The following LINGO2 variants were observed in gnomAD, a reference collection of about 807,000 sequenced individuals.
The protein encoded by LINGO2 is leucine-rich repeat and immunoglobulin-like domain-containing nogo receptor-interacting protein 2.
In LINGO2, 14 loss-of-function variants were observed where a neutral mutation model predicts 30.6. The ratio of observed to expected loss-of-function variants is 0.46; its 90% CI spans 0.30 to 0.72. The LOEUF is 0.72. Among genes scored for constraint, LINGO2 ranks in the 30% least tolerant of loss-of-function variants. The pLI, the probability that LINGO2 is intolerant of heterozygous loss-of-function variation, is 0.07. For missense variants in LINGO2, 729 were observed against 751.7 expected (o/e 0.97, Z 0.35); for synonymous variants, 317 against 288.5 (o/e 1.10, Z -1.00).
the LINGO2 span, among the ~76,000 whole-genome samples, chr9:28,957,459 G>A: frequency 6.6e-6 from 1 of 152,084 alleles, no homozygotes; most frequent in Non-Finnish European, 1.5e-5. Context: ...TATTTTATGG[G>A]TATGTTCTTT....
At chr9:29,120,466 T>C in the LINGO2 span, among the ~76,000 whole-genome samples, 1,063 of 152,326 alleles carry the variant, frequency 7.0e-3, 6 homozygotes, top group Non-Finnish European at 0.012. Context: ...ATTTGTCATA[T>C]TGTCTTATTG....
At chr9:28,544,460 C>T (rs768113977) in intron 1 of LINGO2, among the ~76,000 whole-genome samples, 1 of 151,954 alleles carries the variant, frequency 6.6e-6, no homozygotes, top group African/African-American at 2.4e-5. Flanking sequence ...CCAGGTACAC[C>T]GAACCCTCTC....
the LINGO2 span, among the ~76,000 whole-genome samples, chr9:28,705,682 A>C: frequency 6.6e-6 from 1 of 152,144 alleles, no homozygotes; most frequent in African/African-American, 2.4e-5. Context: ...GTTAAAACTC[A>C]CAAAAGTGTG....
At chr9:28,054,072 AAG>A (rs1824803820) in intron 4 of LINGO2, among the ~76,000 whole-genome samples, 2 of 152,032 alleles carry the variant, frequency 1.3e-5, no homozygotes, top group Non-Finnish European at 2.9e-5. Context: ...GACAAAAAAA[AAG>A]AGAAAGTGGG....
At chr9:28,074,579 C>T (rs1279512801) in intron 4 of LINGO2, among the ~76,000 whole-genome samples, 1 of 152,102 alleles carries the variant, frequency 6.6e-6, no homozygotes, top group Non-Finnish European at 1.5e-5. Flanking sequence ...AGAGGAAGTA[C>T]ATAGAGACTT....
At chr9:29,210,615 A>G in the LINGO2 span, among the ~76,000 whole-genome samples, 1,054 of 152,302 alleles carry the variant, frequency 6.9e-3, 16 homozygotes, top group African/African-American at 0.024. Flanking sequence ...CTTTATATAA[A>G]TCTTCCCTGA....
intron 4 of LINGO2, among the ~76,000 whole-genome samples, chr9:28,046,219 G>C (rs576357262): frequency 6.6e-6 from 1 of 152,214 alleles, no homozygotes; most frequent in Non-Finnish European, 1.5e-5. Context: ...ATATTGCATT[G>C]AATGCTATAA....
intron 4 of LINGO2, among the ~76,000 whole-genome samples, chr9:28,186,999 C>T (rs949607437): frequency 3.9e-5 from 6 of 152,128 alleles, no homozygotes; most frequent in Non-Finnish European, 7.3e-5. Flanking sequence ...TTAAACAAGA[C>T]ACCTCTGACT....
the LINGO2 span, among the ~76,000 whole-genome samples, chr9:28,752,963 T>C: frequency 2.0e-5 from 3 of 152,016 alleles, no homozygotes; most frequent in Admixed American, 2.0e-4. Context: ...TGGCATACAG[T>C]AGGTACCCAG....
chr9:28,015,292 T>C (rs1002293494), intron 4 of LINGO2, among the ~76,000 whole-genome samples: 6 of 152,180 alleles, frequency 3.9e-5, no homozygotes, highest in Non-Finnish European at 7.4e-5. Context: ...TACAAATTTC[T>C]TGTAGTATTG....
chr9:29,077,408 G>A, the LINGO2 span, among the ~76,000 whole-genome samples: 1 of 151,962 alleles, frequency 6.6e-6, no homozygotes, highest in African/African-American at 2.4e-5. Context: ...AGCTATTCAT[G>A]TCAATATGAC....
chr9:29,168,086 A>G, the LINGO2 span, among the ~76,000 whole-genome samples: 1 of 152,146 alleles, frequency 6.6e-6, no homozygotes. Flanking sequence ...AATCTATAGC[A>G]AATGAAGTCT....
chr9:28,834,920 T>A, the LINGO2 span, among the ~76,000 whole-genome samples: 5 of 152,210 alleles, frequency 3.3e-5, no homozygotes, highest in Non-Finnish European at 7.3e-5. Context: ...TGTTTACTAT[T>A]TTATATCCAG....
chr9:29,127,746 A>G, the LINGO2 span, among the ~76,000 whole-genome samples: 1 of 152,148 alleles, frequency 6.6e-6, no homozygotes. Context: ...ACTGCCCTGC[A>G]TGGAAAGGGG....
chr9:27,981,690 A>C (rs992970221), intron 5 of LINGO2, among the ~76,000 whole-genome samples: 1 of 151,626 alleles, frequency 6.6e-6, no homozygotes, highest in African/African-American at 2.4e-5. Context: ...TTCATTGTCC[A>C]TCTAGATTAG....
the LINGO2 span, among the ~76,000 whole-genome samples, chr9:28,848,385 G>GTA: frequency 3.1e-4 from 17 of 54,416 alleles, no homozygotes; most frequent in African/African-American, 9.8e-4. Flanking sequence ...GTGTGTGTGT[G>GTA]TGTGTGTGTG....
chr9:28,269,866 T>C (rs1457937225), intron 4 of LINGO2, among the ~76,000 whole-genome samples: 1 of 152,036 alleles, frequency 6.6e-6, no homozygotes, highest in Non-Finnish European at 1.5e-5. Context: ...GATCTAAAGA[T>C]GACAAAGGTA....
chr9:28,436,430 ATTTAT>A (rs899334065), intron 2 of LINGO2, among the ~76,000 whole-genome samples: 2 of 33,926 alleles, frequency 5.9e-5, no homozygotes, highest in African/African-American at 2.1e-4. Context: ...GAATTTATTT[ATTTAT>A]TTATTTATTT....
chr9:28,242,177 A>G (rs879449529), intron 4 of LINGO2, among the ~76,000 whole-genome samples: 5 of 152,308 alleles, frequency 3.3e-5, no homozygotes, highest in Admixed American at 3.3e-4. Context: ...AAACTTCACT[A>G]AGGTAAAAGA....
Sources: gnomAD v4.1 joint callset for allele counts (sites outside exome capture counted in the v4.1 genomes callset) on GRCh38, gnomAD v4.1.1 for gene constraint, MANE v1.5 for transcripts, NCBI Gene and HGNC (gene_info 2026-07-23, HGNC 2026-07-21) for gene names.